PLXDC2: variants seen among roughly 807,000 people sequenced by gnomAD.
PLXDC2 encodes plexin domain containing 2, also known as plexin domain-containing protein 2.
Under a neutral mutation model 68.9 loss-of-function variants are expected in PLXDC2, and 40 were observed. The observed-to-expected ratio is 0.58, with a 90% CI of 0.45 to 0.76. The LOEUF is 0.76. Ranked by LOEUF, PLXDC2 falls within the 30% of genes least tolerant of loss-of-function variation. The pLI is 0.00. For missense variants in PLXDC2, 644 were observed against 661.9 expected, an observed-to-expected ratio of 0.97 and a Z score of 0.30; for synonymous variants, 243 against 234.2, an observed-to-expected ratio of 1.04 and a Z score of -0.34.
At chr10:20,188,077 G>A (rs1038426680) in intron 9 of PLXDC2, among the ~76,000 whole-genome samples, 15 of 151,314 alleles carry the variant, frequency 9.9e-5, no homozygotes, top group South Asian at 2.1e-4. Flanking sequence ...TATTTGACTC[G>A]TTTCCCCCCA....
chr10:19,883,884 CTTTTTT>C lies in PLXDC2; in HGVS notation c.112+66715_112+66720del, dbSNP rs397846779. Reference sequence around the variant, plus strand: ...ATTACTGTCTCCAGATCCCTTTAAACTTTTTTTTTTTTTTTTTTTTTTTTTTTAGCA... The same window carrying C: ...ATTACTGTCTCCAGATCCCTTTAAACTTTTTTTTTTTTTTTTTTTTTAGCA... On this transcript the variant is annotated intron_variant, in intron 1 of 13. Transcript: ENST00000377252. Among the ~76,000 whole-genome samples the C allele has an allele frequency of 1.1e-3, 58 of 55,106 alleles. 1 individual carries two copies. Among genetic ancestry groups the C allele is most frequent in the South Asian group, 7.8e-3 (8 of 1,032 alleles). The allele number at this position is 55,106 out of a possible 152,430, so 36.2% of individuals were successfully genotyped here.
intron 1 of PLXDC2, among the ~76,000 whole-genome samples, chr10:19,871,590 A>G (rs956680682): frequency 3.9e-5 from 6 of 152,078 alleles, no homozygotes; most frequent in Admixed American, 6.6e-5. Context: ...CCTCTAGTGT[A>G]TCATAGAAAT....
intron 1 of PLXDC2, among the ~76,000 whole-genome samples, chr10:19,828,381 G>A (rs1426973403): frequency 6.6e-6 from 1 of 152,144 alleles, no homozygotes; most frequent in Non-Finnish European, 1.5e-5. Context: ...TTAGACTACA[G>A]GCATTTGCAA....
chr10:19,986,249 A>T (rs1418726500), intron 1 of PLXDC2, among the ~76,000 whole-genome samples: 1 of 152,206 alleles, frequency 6.6e-6, no homozygotes, highest in East Asian at 1.9e-4. Context: ...TTCTAAGTGT[A>T]TTTACAATGA....
chr10:20,231,696 T>C (rs1004228606), intron 12 of PLXDC2, among the ~76,000 whole-genome samples: 43 of 152,180 alleles, frequency 2.8e-4, no homozygotes, highest in Non-Finnish European at 4.7e-4. Flanking sequence ...GAAGATGGAT[T>C]TTTTTAAAAA....
rs554714681 is a variant in PLXDC2 at position 20,138,905 on chromosome 10, T to C, written c.542-4390T>C. 5.3e-5 allele frequency among the ~76,000 whole-genome samples: 8 copies of C among 151,988 alleles called. No homozygotes were observed. The South Asian group carries it at 1.7e-3, about 32-fold the overall frequency. On this transcript the variant is annotated intron_variant, in intron 4 of 13. Coordinates refer to ENST00000377252, the MANE Select transcript of PLXDC2 (RefSeq NM_032812.9). ...TCCAGCCTGGGTGAAAGAGCAAGAC[T>C]CTGTCTCAGAGAAAAAAAAACAAAA...
At chr10:19,855,887 C>A (rs1837202139) in intron 1 of PLXDC2, among the ~76,000 whole-genome samples, 1 of 152,086 alleles carries the variant, frequency 6.6e-6, no homozygotes, top group Non-Finnish European at 1.5e-5. Context: ...AGATCAAGAC[C>A]ATCCTGGCTA....
At chr10:20,110,495 C>A (rs1833545318) in intron 4 of PLXDC2, among the ~76,000 whole-genome samples, 1 of 152,152 alleles carries the variant, frequency 6.6e-6, no homozygotes, top group Non-Finnish European at 1.5e-5. Context: ...ACTGTGGAAT[C>A]CCCTTTTTTT....
chr10:20,084,291 A>G (rs1035541076), intron 4 of PLXDC2, among the ~76,000 whole-genome samples: 1 of 152,186 alleles, frequency 6.6e-6, no homozygotes, highest in Non-Finnish European at 1.5e-5. Context: ...AATTTTGGAA[A>G]TAGAGCTCTT....
chr10:19,962,325 A>G, intron 1 of PLXDC2, among the ~76,000 whole-genome samples: 1 of 136,464 alleles, frequency 7.3e-6, no homozygotes, highest in Non-Finnish European at 1.6e-5. Flanking sequence ...AATGTGATGA[A>G]AAGGAGGTTC....
chr10:19,826,493 A>C (rs904443601), intron 1 of PLXDC2, among the ~76,000 whole-genome samples: 34 of 152,190 alleles, frequency 2.2e-4, no homozygotes, highest in African/African-American at 8.2e-4. Flanking sequence ...AATTTGAAGA[A>C]TATTTTAATA....
intron 1 of PLXDC2, among the ~76,000 whole-genome samples, chr10:19,874,789 A>G (rs994752586): frequency 6.6e-5 from 10 of 152,192 alleles, no homozygotes; most frequent in Non-Finnish European, 4.4e-5. Flanking sequence ...TAAAGGGATC[A>G]GAAGGCCGGA....
intron 4 of PLXDC2, among the ~76,000 whole-genome samples, chr10:20,138,862 A>C (rs1380337315): frequency 6.6e-6 from 1 of 152,136 alleles, no homozygotes; most frequent in African/African-American, 2.4e-5. Flanking sequence ...GCAGTGAGCC[A>C]AAATCGTGCC....
intron 13 of PLXDC2, among the ~76,000 whole-genome samples, chr10:20,253,413 G>A (rs983560557): frequency 6.7e-6 from 1 of 150,156 alleles, no homozygotes; most frequent in African/African-American, 2.5e-5. Flanking sequence ...TTGTTTTCTT[G>A]ATGGGGAAAC....
intron 1 of PLXDC2, among the ~76,000 whole-genome samples, chr10:19,988,800 T>A: frequency 8.0e-6 from 1 of 124,496 alleles, no homozygotes; most frequent in Non-Finnish European, 1.6e-5. Context: ...TTTTTTTTTT[T>A]TTTTTTTTTT....
chr10:20,266,462 A>G (rs898787242), intron 13 of PLXDC2, among the ~76,000 whole-genome samples: 1 of 152,036 alleles, frequency 6.6e-6, no homozygotes, highest in Non-Finnish European at 1.5e-5. Context: ...AATGAAATAC[A>G]TTTTTAAAAT....
intron 2 of PLXDC2, among the ~76,000 whole-genome samples, chr10:20,002,838 A>G (rs1834965188): frequency 6.6e-6 from 1 of 152,066 alleles, no homozygotes; most frequent in African/African-American, 2.4e-5. Context: ...GAGGTGTAGA[A>G]TGACATCTCC....
intron 1 of PLXDC2, among the ~76,000 whole-genome samples, chr10:19,878,730 A>G (rs1837678047): frequency 6.6e-6 from 1 of 152,122 alleles, no homozygotes. Flanking sequence ...ATTTGTTTTT[A>G]TTGCCAAAAT....
rs953255294 is a variant in PLXDC2 at position 20,098,381 on chromosome 10, G to GTGTGTGTA, written c.541+30145_541+30146insGTGTATGT. Reference sequence around the variant, plus strand: ...TATGTGTGTGTGTGTGTGTGTGTGTGTGTATGTATGTAATCTCCCATCTCC... The same window carrying GTGTGTGTA: ...TATGTGTGTGTGTGTGTGTGTGTGTGTGTGTGTATGTATGTATGTAATCTCCCATCTCC... On this transcript the variant is annotated intron_variant, in intron 4 of 13. Coordinates refer to ENST00000377252, the MANE Select transcript of PLXDC2 (RefSeq NM_032812.9). Among the ~76,000 whole-genome samples, 7 of 151,660 alleles carry GTGTGTGTA rather than the reference G, an allele frequency of 4.6e-5. No homozygotes were observed. The South Asian group carries it at 1.5e-3, about 32-fold the overall frequency.
Sources: gnomAD v4.1 joint callset for allele counts (sites outside exome capture counted in the v4.1 genomes callset) on GRCh38, gnomAD v4.1.1 for gene constraint, MANE v1.5 for transcripts, NCBI Gene and HGNC (gene_info 2026-07-23, HGNC 2026-07-21) for gene names.